Variants in CFAP47 observed in about 807,000 individuals in gnomAD.
CFAP47 encodes the protein cilia- and flagella-associated protein 47.
CFAP47 carries 29 observed loss-of-function variants against 148.1 expected under a neutral mutation model. The ratio of observed to expected loss-of-function variants is 0.20; its 90% confidence interval spans 0.15 to 0.27. CFAP47 has a LOEUF of 0.27. CFAP47 is among the 10% of genes least tolerant of loss of function. CFAP47 has a pLI of 1.00. For missense variants in CFAP47, 1,872 were observed against 1,697.5 expected (o/e 1.10, Z -1.81); for synonymous variants, 664 against 577.3 (o/e 1.15, Z -2.15).
chrX:36,375,600 C>T lies in CFAP47; in HGVS notation c.9186-3750C>T, dbSNP rs184120650. ...CTGATATCTAATCTGGATGATCTAT[C>T]CATTGTTGAAAGTGCAGTATTTTGT... On this transcript the variant is annotated intron_variant, in intron 62 of 63. Transcript: ENST00000378653. Among the ~76,000 whole-genome samples the T allele has an allele frequency of 3.6e-5, 4 of 112,287 alleles. No individual in the cohort carries two copies. In the East Asian group the frequency reaches 1.1e-3, roughly 32 times the overall value.
chrX:36,277,967 C>A lies in CFAP47; in HGVS notation c.7445-2520C>A, dbSNP rs781948427. ...TGATCCCTCCTCTGGAAGCTTTGTCCCAAATGGGCACCAGCCTGTATGAGG... is the reference window on the plus strand; with the variant it reads ...TGATCCCTCCTCTGGAAGCTTTGTCACAAATGGGCACCAGCCTGTATGAGG... On this transcript the variant is annotated intron_variant, in intron 49 of 63. Coordinates refer to ENST00000378653, the MANE Select transcript of CFAP47 (RefSeq NM_001304548.2). Among the ~76,000 whole-genome samples, 16 of 111,427 alleles carry A rather than the reference C, an allele frequency of 1.4e-4. No individual in the cohort carries two copies. The South Asian group carries it at 4.2e-3, about 29-fold the overall frequency.
At chrX:36,011,909 G>A (rs1937042870) in intron 21 of CFAP47, among the ~76,000 whole-genome samples, 1 of 111,751 alleles carries the variant, frequency 8.9e-6, no homozygotes, top group Non-Finnish European at 1.9e-5. Context: ...TGGTGTTTTA[G>A]TCATGAAGGC....
In CFAP47 at chrX:36,161,601, C is replaced by G. The variant is rs769696390; in HGVS notation, c.6026+832C>G. Among the ~76,000 whole-genome samples the G allele has an allele frequency of 2.4e-4, 27 of 111,601 alleles. No homozygotes were observed. In the South Asian group the frequency reaches 9.4e-3, roughly 39 times the overall value. ...AAAAGTAACTTCCTGGAAATGTACACCACGTTGAGGAAGACGACGGAAGGT... is the reference window on the plus strand; with the variant it reads ...AAAAGTAACTTCCTGGAAATGTACAGCACGTTGAGGAAGACGACGGAAGGT... On this transcript the variant is annotated intron_variant, in intron 39 of 63. Coordinates refer to ENST00000378653, the MANE Select transcript of CFAP47 (RefSeq NM_001304548.2).
Position 36,379,744 on chromosome X carries a change from T to TA in CFAP47, c.9354+234dup, listed in dbSNP as rs370160532. 2.6e-4 allele frequency: 83 copies of TA among 319,090 alleles called. 3 individuals carry two copies. The highest frequency in any genetic ancestry group is 1.5e-3 in the African/African-American group (58 of 37,565). 26.3% of individuals were successfully genotyped at this position (319,090 alleles called of 1,213,427 possible). ...ACAGTTGTCAACACTAGAGGAAAGT[T>TA]AAAAAAAATACTTTCCTTCCATATT... On this transcript the variant is annotated intron_variant, in intron 63 of 63. Transcript: ENST00000378653.
chrX:36,263,852 A>T (rs1249962920), intron 49 of CFAP47, among the ~76,000 whole-genome samples: 2 of 111,913 alleles, frequency 1.8e-5, no homozygotes, highest in African/African-American at 6.5e-5. Flanking sequence ...TAGCCATCAC[A>T]ACTGGTGATG....
chrX:36,202,122 C>T (rs782042041), intron 44 of CFAP47, among the ~76,000 whole-genome samples: 1 of 111,435 alleles, frequency 9.0e-6, no homozygotes, highest in Non-Finnish European at 1.9e-5. Context: ...TATTGAGGTA[C>T]TTATTACTAC....
At chrX:36,324,933 A>G (rs1556012716) in intron 57 of CFAP47, among the ~76,000 whole-genome samples, 2 of 111,728 alleles carry the variant, frequency 1.8e-5, no homozygotes, top group Admixed American at 1.9e-4. Context: ...TTTTCTAGAA[A>G]ATAACTTTTT....
intron 26 of CFAP47, among the ~76,000 whole-genome samples, chrX:36,053,358 G>A (rs1239178607): frequency 9.0e-6 from 1 of 111,504 alleles, no homozygotes; most frequent in Non-Finnish European, 1.9e-5. Context: ...GCAACAAAAG[G>A]CAGGCAATGG....
chrX:36,243,645 G>GTA (rs1569298098), intron 48 of CFAP47, among the ~76,000 whole-genome samples: 1 of 38,587 alleles, frequency 2.6e-5, no homozygotes, highest in Non-Finnish European at 3.8e-5. Context: ...TTATATGTGT[G>GTA]TGTATATATA....
chrX:35,981,849 A>G (rs1196425389), intron 15 of CFAP47, among the ~76,000 whole-genome samples: 4 of 112,127 alleles, frequency 3.6e-5, no homozygotes, highest in South Asian at 3.7e-4. Flanking sequence ...CGCAAAGGCC[A>G]TGATCACATT....
intron 49 of CFAP47, among the ~76,000 whole-genome samples, chrX:36,256,207 A>G (rs1940750021): frequency 1.8e-5 from 2 of 112,014 alleles, no homozygotes; most frequent in Admixed American, 1.9e-4. Flanking sequence ...ATAAATTTTC[A>G]TTTATCTTAG....
At chrX:36,137,516 C>T (rs766851195) in intron 33 of CFAP47, among the ~76,000 whole-genome samples, 2 of 110,729 alleles carry the variant, frequency 1.8e-5, no homozygotes, top group Non-Finnish European at 3.8e-5. Flanking sequence ...CTTTCACATA[C>T]TTTCCTGCCA....
chrX:36,114,240 C>T (rs1292865243), intron 33 of CFAP47, among the ~76,000 whole-genome samples: 1 of 111,864 alleles, frequency 8.9e-6, no homozygotes, highest in Non-Finnish European at 1.9e-5. Context: ...TTTTGTCAGT[C>T]AGCTCCTGTA....
chrX:36,177,006 G>A (rs754627279), intron 39 of CFAP47, among the ~76,000 whole-genome samples: 11 of 112,437 alleles, frequency 9.8e-5, no homozygotes, highest in East Asian at 2.8e-4. Flanking sequence ...CCAGACCTGC[G>A]TAGAATTCAT....
At chrX:36,129,753 G>A (rs1437826766) in intron 33 of CFAP47, among the ~76,000 whole-genome samples, 2 of 111,021 alleles carry the variant, frequency 1.8e-5, no homozygotes, top group African/African-American at 6.5e-5. Flanking sequence ...TAACATAAAT[G>A]CCAGTCCATG....
chrX:36,306,274 C>T (rs1468892718), intron 54 of CFAP47, among the ~76,000 whole-genome samples: 2 of 111,356 alleles, frequency 1.8e-5, no homozygotes, highest in Admixed American at 9.6e-5. Flanking sequence ...CTCAAGTTAT[C>T]CTAGCAGGTC....
intron 25 of CFAP47, among the ~76,000 whole-genome samples, chrX:36,039,440 A>G (rs1018721895): frequency 2.7e-5 from 3 of 112,446 alleles, no homozygotes; most frequent in Non-Finnish European, 5.6e-5. Context: ...AATTCAATAT[A>G]TTAGTTTTCT....
At chrX:36,309,086 T>G (rs782815348) in intron 55 of CFAP47, among the ~76,000 whole-genome samples, 1 of 111,619 alleles carries the variant, frequency 9.0e-6, no homozygotes, top group South Asian at 3.7e-4. Context: ...TGTGGTAAAT[T>G]ATAACTTCTC....
chrX:36,087,948 C>T (rs960785395), intron 30 of CFAP47, among the ~76,000 whole-genome samples: 3 of 111,204 alleles, frequency 2.7e-5, no homozygotes, highest in African/African-American at 9.8e-5. Flanking sequence ...TGGTTTCTTC[C>T]GAGGTTTCTC....
Sources: allele counts gnomAD v4.1 joint callset (sites outside exome capture counted in the v4.1 genomes callset), GRCh38; gene constraint gnomAD v4.1.1; transcripts MANE v1.5; gene names NCBI Gene and HGNC (gene_info 2026-07-23, HGNC 2026-07-21).